The following MAOB variants were observed in gnomAD, a reference collection of about 807,000 sequenced individuals.
MAOB encodes the protein monoamine oxidase B.
In MAOB, 15 loss-of-function variants were observed where a neutral mutation model predicts 41.9. The ratio of observed to expected loss-of-function variants is 0.36; its 90% CI spans 0.24 to 0.55. The LOEUF is 0.55. Ranked by LOEUF, MAOB falls within the 20% of genes least tolerant of loss-of-function variation. The pLI is 0.86. For missense variants in MAOB, 345 were observed against 398.7 expected (o/e 0.87, Z 1.15); for synonymous variants, 167 against 144.2 (o/e 1.16, Z -1.13).
At chrX:43,850,416 G>C in intron 1 of MAOB, 5 of 746,497 alleles carry the variant, frequency 6.7e-6, no homozygotes, top group South Asian at 1.4e-4. Flanking sequence ...GCATTCTCCA[G>C]GGCATCTCTA....
chrX:43,845,483 T>G (rs1477160073), intron 1 of MAOB, among the ~76,000 whole-genome samples: 11 of 112,318 alleles, frequency 9.8e-5, no homozygotes, highest in African/African-American at 3.2e-4. Context: ...ATGAGATAAG[T>G]ACTGTTGACA....
Position 43,826,751 on chromosome X carries a change from C to A in MAOB, c.279+12117G>T, listed in dbSNP as rs113576052. 8.1e-5 allele frequency among the ~76,000 whole-genome samples: 9 copies of A among 110,721 alleles called. No individual in the cohort carries two copies. In the East Asian group the frequency reaches 2.6e-3, roughly 32 times the overall value. ...TCCTTTTATGAGGAGTCCACTTCTC[C>A]GATGACAGACCCACTCCCACAATTA... On this transcript the variant is annotated intron_variant, in intron 3 of 14. Coordinates refer to ENST00000378069, the MANE Select transcript of MAOB (RefSeq NM_000898.5).
chrX:43,834,137 A>C (rs761901797), intron 3 of MAOB, among the ~76,000 whole-genome samples: 1 of 112,411 alleles, frequency 8.9e-6, no homozygotes, highest in Non-Finnish European at 1.9e-5. Flanking sequence ...CATTAAGCCC[A>C]CTTCAGAAAG....
rs750363747 is a variant in MAOB, at chrX:43,795,852, C to T, written c.655G>A (p.Glu219Lys). 1 of 1,210,455 alleles carries T rather than the reference C, an allele frequency of 8.3e-7. No homozygotes were observed. The highest frequency in any genetic ancestry group is 2.2e-5 in the Admixed American group (1 of 45,984). Residue 219 changes from glutamate to lysine, a missense_variant, in exon 7 of 15, where the codon GAG becomes AAG. Transcript: ENST00000378069. ...KFVGGSGQVSERIMDLLGDRV... is the reference protein window; with the variant it reads ...KFVGGSGQVSKRIMDLLGDRV... The stretch of plus-strand genomic sequence containing the variant: ...TCTCCAAGGAGGTCCATTATCCGCT[C>T]ACTCACTTGACCAGATCCGCCCACA...
intron 2 of MAOB, among the ~76,000 whole-genome samples, chrX:43,841,084 A>G (rs1254538299): frequency 9.0e-6 from 1 of 110,940 alleles, no homozygotes; most frequent in Non-Finnish European, 1.9e-5. Context: ...TGTCAGATAT[A>G]TATCATTGAT....
At chrX:43,817,574 C>T (rs1045972402) in intron 3 of MAOB, among the ~76,000 whole-genome samples, 8 of 111,780 alleles carry the variant, frequency 7.2e-5, no homozygotes, top group Non-Finnish European at 1.3e-4. Flanking sequence ...CATGTCACTC[C>T]CTTGAGAAAA....
intron 1 of MAOB, among the ~76,000 whole-genome samples, chrX:43,869,871 T>A (rs1026780994): frequency 8.9e-6 from 1 of 111,774 alleles, no homozygotes; most frequent in African/African-American, 3.3e-5. Context: ...CCTGCTCAAA[T>A]TGCTCTAATA....
chrX:43,792,633 G>A (rs1283896985), intron 8 of MAOB, among the ~76,000 whole-genome samples: 10 of 111,541 alleles, frequency 9.0e-5, no homozygotes, highest in African/African-American at 2.6e-4. Flanking sequence ...TCAAAACCAC[G>A]ATGAGATACC....
chrX:43,880,878 T>A (rs950931847), intron 1 of MAOB, among the ~76,000 whole-genome samples: 4 of 112,448 alleles, frequency 3.6e-5, no homozygotes, highest in Non-Finnish European at 7.5e-5. Context: ...TAAGATGGGG[T>A]GCTATGCAAG....
intron 3 of MAOB, among the ~76,000 whole-genome samples, chrX:43,814,519 G>A (rs2034784797): frequency 8.9e-6 from 1 of 112,460 alleles, no homozygotes; most frequent in South Asian, 3.7e-4. Flanking sequence ...CACTCCATTT[G>A]AGTCCCTACC....
chrX:43,802,096 T>C, intron 5 of MAOB, 76 bp downstream of exon 5: 2 of 821,642 alleles, frequency 2.4e-6, no homozygotes, highest in Non-Finnish European at 3.6e-6. Flanking sequence ...ACTTGTCCCA[T>C]ACTTGTTGAA....
intron 3 of MAOB, among the ~76,000 whole-genome samples, chrX:43,815,888 A>G (rs982012616): frequency 8.9e-6 from 1 of 112,249 alleles, no homozygotes; most frequent in Admixed American, 9.5e-5. Context: ...AAACACATAC[A>G]CGAAAATGTT....
chrX:43,781,336 A>T, intron 9 of MAOB, 112 bp downstream of exon 9: 1 of 353,300 alleles, frequency 2.8e-6, no homozygotes, highest in Non-Finnish European at 4.8e-6. Context: ...GAAAAATAAT[A>T]CCACTGGGTA....
chrX:43,817,583 A>G (rs191538678), intron 3 of MAOB, among the ~76,000 whole-genome samples: 165 of 111,898 alleles, frequency 1.5e-3, no homozygotes, highest in Middle Eastern at 4.6e-3. Flanking sequence ...CCCTTGAGAA[A>G]ATCCTTCTGA....
At chrX:43,802,749 G>T (rs1281252255) in intron 4 of MAOB, among the ~76,000 whole-genome samples, 2 of 108,515 alleles carry the variant, frequency 1.8e-5, no homozygotes, top group African/African-American at 6.7e-5. Context: ...TGGACACAGG[G>T]AGGGGAACAT....
chrX:43,838,794 G>T lies in MAOB; in HGVS notation c.279+74C>A, dbSNP rs1468252491. The T allele has an allele frequency of 6.2e-6, 6 of 967,805 alleles. No homozygotes were observed. In the Admixed American group the frequency reaches 2.0e-4, roughly 32 times the overall value. The allele number at this position is 967,805 out of a possible 1,213,427, so 79.8% of individuals were successfully genotyped here. A position where few individuals can be genotyped will look rare whatever the true frequency, so the allele number is the denominator to read the frequency against. On this transcript the variant is annotated intron_variant, in intron 3 of 14. Transcript: ENST00000378069. The stretch of plus-strand genomic sequence containing the variant: ...CAGAGATATAGAAGATTCTCTGAGA[G>T]AATGATCTGGAATTTGTGTAAGGAA...
intron 1 of MAOB, among the ~76,000 whole-genome samples, chrX:43,873,322 C>A (rs1262666119): frequency 9.0e-6 from 1 of 110,520 alleles, no homozygotes; most frequent in Non-Finnish European, 1.9e-5. Flanking sequence ...TTAAAAGAAT[C>A]ATTAAAAATG....
Position 43,882,363 on chromosome X carries a change from G to T in MAOB, c.-64C>A. On this transcript the variant is annotated 5_prime_UTR_variant, in exon 1 of 15. In the 5' UTR this introduces an upstream ATG that the reference lacks. Transcript: ENST00000378069. The stretch of plus-strand genomic sequence containing the variant: ...CTCCGTTTTCTGGGCCTCGATCCCA[G>T]TCCTGCCTGCCAGCCAGCCCGCCCG... 8.7e-7 allele frequency: 1 copy of T among 1,153,237 alleles called. No individual in the cohort carries two copies. Among genetic ancestry groups the T allele is most frequent in the Non-Finnish European group, 1.2e-6 (1 of 867,635 alleles).
chrX:43,820,079 C>T (rs2034863156), intron 3 of MAOB, among the ~76,000 whole-genome samples: 2 of 112,408 alleles, frequency 1.8e-5, no homozygotes, highest in Admixed American at 9.4e-5. Flanking sequence ...TAGGAAAGGA[C>T]CTTGGAGTTA....
Sources: allele counts gnomAD v4.1 joint callset (sites outside exome capture counted in the v4.1 genomes callset), GRCh38; gene constraint gnomAD v4.1.1; transcripts MANE v1.5; gene names NCBI Gene and HGNC (gene_info 2026-07-23, HGNC 2026-07-21).